The following MTMR14 variants were observed in gnomAD, a reference collection of about 807,000 sequenced individuals.
MTMR14 encodes phosphatidylinositol-3,5-bisphosphate 3-phosphatase MTMR14.
In MTMR14, 48 loss-of-function variants were observed where a neutral mutation model predicts 86.3. That is an observed-to-expected ratio of 0.56 (90% confidence interval 0.44 to 0.71). MTMR14 has a LOEUF of 0.71. Among genes scored for constraint, MTMR14 ranks in the 30% least tolerant of loss-of-function variants. The pLI is 0.00. For missense variants in MTMR14, 780 were observed against 834.6 expected, an observed-to-expected ratio of 0.93 and a Z score of 0.81; for synonymous variants, 366 against 326.1, an observed-to-expected ratio of 1.12 and a Z score of -1.32.
intron 9 of MTMR14, among the ~76,000 whole-genome samples, chr3:9,680,738 GAGGC>G (rs1318916436): frequency 3.3e-5 from 5 of 152,246 alleles, no homozygotes; most frequent in Non-Finnish European, 7.3e-5. Flanking sequence ...TCGGGAGACT[GAGGC>G]AGGAGAATGG....
chr3:9,680,657 A>G (rs1185150583), intron 9 of MTMR14, among the ~76,000 whole-genome samples: 2 of 152,178 alleles, frequency 1.3e-5, no homozygotes, highest in Admixed American at 6.5e-5. Context: ...CATCGTGGCT[A>G]ACACAGTGAA....
intron 13 of MTMR14, among the ~76,000 whole-genome samples, chr3:9,686,401 G>A (rs1281760020): frequency 1.3e-5 from 2 of 152,210 alleles, no homozygotes; most frequent in Non-Finnish European, 2.9e-5. Context: ...GAACCAAGTA[G>A]TGTCTGAGTT....
At chr3:9,662,098 G>A (rs999821040) in intron 2 of MTMR14, among the ~76,000 whole-genome samples, 169 bp from the exon 3 acceptor site, 8 of 151,032 alleles carry the variant, frequency 5.3e-5, no homozygotes, top group African/African-American at 1.7e-4. Flanking sequence ...CAAAAAAATA[G>A]ATAGATAGAC....
At chr3:9,685,015 T>C in intron 12 of MTMR14, 51 bp downstream of exon 12, 1 of 1,564,508 alleles carries the variant, frequency 6.4e-7, no homozygotes, top group Non-Finnish European at 8.8e-7. Flanking sequence ...AGTTTCTATA[T>C]GTGAGTTGTG....
chr3:9,671,240 T>G (rs1264983935), intron 6 of MTMR14, 70 bp downstream of exon 6: 3 of 1,607,798 alleles, frequency 1.9e-6, no homozygotes, highest in Non-Finnish European at 2.6e-6. Flanking sequence ...GGCGTTAGTA[T>G]GTAGCTGTCA....
intron 3 of MTMR14, among the ~76,000 whole-genome samples, chr3:9,667,811 G>C (rs1421292020): frequency 6.6e-6 from 1 of 152,190 alleles, no homozygotes; most frequent in Non-Finnish European, 1.5e-5. Context: ...GGTAGAGATG[G>C]AGAAGCCTTC....
intron 2 of MTMR14, among the ~76,000 whole-genome samples, chr3:9,657,003 C>G (rs1321885282): frequency 6.6e-6 from 1 of 151,980 alleles, no homozygotes; most frequent in East Asian, 1.9e-4. Flanking sequence ...GCCTTGATCC[C>G]CTGGGCTCAA....
rs781584719 is a variant in MTMR14 at position 9,649,709 on chromosome 3, G to T, written c.126G>T (p.Arg42=). ...AGGAGTTCTCCCGGACTCAGTACCG[G>T]GCCAAGGATGGCAGCGGGACCGGCG... ...LLEEFSRTQY[R]AKDGSGTGGS... is the part of the protein sequence containing the mutation. Residue 42 remains arginine, a synonymous_variant, in exon 1 of 19, where the codon CGG becomes CGT. Coordinates refer to ENST00000296003, the MANE Select transcript of MTMR14 (RefSeq NM_001077525.3). 3 of 1,613,232 alleles carry T rather than the reference G, an allele frequency of 1.9e-6. No individual in the cohort carries two copies. In the South Asian group the frequency reaches 3.3e-5, roughly 18 times the overall value.
intron 1 of MTMR14, 121 bp downstream of exon 1, chr3:9,649,863 G>A: frequency 6.5e-7 from 1 of 1,545,292 alleles, no homozygotes; most frequent in Non-Finnish European, 8.7e-7. Context: ...GAAGAGGAGA[G>A]AGAGAGAGGA....
intron 1 of MTMR14, among the ~76,000 whole-genome samples, chr3:9,652,696 CAAA>C (rs553682561): frequency 1.0e-4 from 13 of 129,654 alleles, no homozygotes; most frequent in African/African-American, 2.8e-4. Context: ...GACTCTTTCT[CAAA>C]AAAAAAAAAA....
intron 1 of MTMR14, chr3:9,650,192 T>C (rs769541580): frequency 1.2e-4 from 45 of 382,794 alleles, no homozygotes; most frequent in Non-Finnish European, 2.1e-4. Flanking sequence ...TGCCCCCTTA[T>C]AAGGTCTCAG....
intron 17 of MTMR14, 39 bp from the exon 18 acceptor site, chr3:9,697,672 T>C (rs374074260): frequency 2.5e-6 from 4 of 1,605,900 alleles, no homozygotes; most frequent in South Asian, 1.1e-5. Flanking sequence ...GGCATATGAC[T>C]GACTGCATCC....
At chr3:9,696,090 G>T (rs1421657885) in intron 17 of MTMR14, among the ~76,000 whole-genome samples, 1 of 152,218 alleles carries the variant, frequency 6.6e-6, no homozygotes, top group Non-Finnish European at 1.5e-5. Context: ...TGACAAGTCT[G>T]TATGTTGTAG....
chr3:9,688,520 T>G (rs532057775), intron 14 of MTMR14, among the ~76,000 whole-genome samples, 176 bp from the exon 15 acceptor site: 3 of 152,338 alleles, frequency 2.0e-5, no homozygotes, highest in African/African-American at 7.2e-5. Context: ...GACAGAGCCT[T>G]GCAGCGTGGG....
intron 17 of MTMR14, among the ~76,000 whole-genome samples, chr3:9,690,883 A>G (rs1046784152): frequency 1.8e-4 from 28 of 152,316 alleles, no homozygotes; most frequent in African/African-American, 4.1e-4. Context: ...CCAGGGAAAA[A>G]GGGGCATTTA....
At chr3:9,678,152 C>A in intron 9 of MTMR14, 94 bp downstream of exon 9, 1 of 1,304,544 alleles carries the variant, frequency 7.7e-7, no homozygotes. Flanking sequence ...CGTGTGTTTG[C>A]CTGATGGGCT....
intron 9 of MTMR14, among the ~76,000 whole-genome samples, chr3:9,681,558 C>T (rs2075769522): frequency 6.6e-6 from 1 of 152,162 alleles, no homozygotes; most frequent in Non-Finnish European, 1.5e-5. Context: ...AGGAGTTTAC[C>T]AACCAGCAGA....
rs371569636 is a variant in MTMR14, at chr3:9,689,009, C to T, written c.1360C>T (p.Pro454Ser). The change falls in exon 16 of 19, where the codon CCA (proline) becomes TCA (serine). Residue 454 changes from proline to serine, a missense_variant. Physicochemically the swap from Pro to Ser is moderately conservative, Grantham distance 74 (BLOSUM62 -1). Coordinates refer to ENST00000296003, the MANE Select transcript of MTMR14 (RefSeq NM_001077525.3). ...SDFSLVMESS[P>S]GATGSFTYEA... ...CTTCTCCCTGGTCATGGAGAGTTCC[C>T]CAGGAGCCACTGGGAGCTTCACCTA... 5.2e-5 allele frequency: 84 copies of T among 1,613,862 alleles called. 1 individual carries two copies. Among genetic ancestry groups the T allele is most frequent in the Non-Finnish European group, 6.9e-5 (82 of 1,180,042 alleles).
Position 9,677,465 on chromosome 3 carries a change from T to C in MTMR14, c.822+78T>C, listed in dbSNP as rs1039994415. 22 of 1,304,974 alleles carry C rather than the reference T, an allele frequency of 1.7e-5. No individual in the cohort carries two copies. The Admixed American group carries it at 3.4e-4, about 20-fold the overall frequency. 80.8% of individuals were successfully genotyped at this position (1,304,974 alleles called of 1,614,324 possible). A position where few individuals can be genotyped will look rare whatever the true frequency, so the allele number is the denominator to read the frequency against. ...GCCAAGGAGAACAACAAGCAGTCTT[T>C]GGGGAAAACAACAAGCAGTCTTTGG... On this transcript the variant is annotated intron_variant, in intron 8 of 18. Coordinates refer to ENST00000296003, the MANE Select transcript of MTMR14 (RefSeq NM_001077525.3). This position sits in a 1 kb window ranked among gnomAD's most constrained non-coding sequence, Gnocchi z 4.2.
Sources: gnomAD v4.1 joint callset for allele counts (sites outside exome capture counted in the v4.1 genomes callset) on GRCh38, gnomAD v4.1.1 for gene constraint, Gnocchi (gnomAD v3.1) non-coding constraint, MANE v1.5 for transcripts, NCBI Gene and HGNC (gene_info 2026-07-23, HGNC 2026-07-21) for gene names.